Variants in SDK1 observed in about 807,000 individuals in gnomAD.
SDK1 encodes protein sidekick-1.
Under a neutral mutation model 245.5 loss-of-function variants are expected in SDK1, and 157 were observed. The ratio of observed to expected loss-of-function variants is 0.64; its 90% CI spans 0.56 to 0.73. SDK1 has a LOEUF of 0.73. Ranked by LOEUF, SDK1 falls within the 30% of genes least tolerant of loss-of-function variation. SDK1 has a pLI of 0.00. For missense variants in SDK1, 3,583 were observed against 3,002.3 expected (o/e 1.19, Z -4.52); for synonymous variants, 1,647 against 1,278.5 (o/e 1.29, Z -6.15).
At chr7:4,156,906 G>A (rs1328615035) in intron 30 of SDK1, among the ~76,000 whole-genome samples, 3 of 152,290 alleles carry the variant, frequency 2.0e-5, no homozygotes, top group South Asian at 2.1e-4. Context: ...GGTTTAGAGT[G>A]ATAGTTGAGA....
chr7:3,970,598 C>A (rs1782417846), intron 11 of SDK1, among the ~76,000 whole-genome samples: 1 of 152,198 alleles, frequency 6.6e-6, no homozygotes, highest in Admixed American at 6.5e-5. Context: ...GTATCTGAAT[C>A]TCTGTAGATC....
In SDK1 at chr7:4,076,613, A is replaced by C. The variant is rs894944867; in HGVS notation, c.3011-385A>C. Among the ~76,000 whole-genome samples, 5 of 152,222 alleles carry C rather than the reference A, an allele frequency of 3.3e-5. No individual in the cohort carries two copies. The South Asian group carries it at 1.0e-3, about 32-fold the overall frequency. On this transcript the variant is annotated intron_variant, in intron 20 of 44. Coordinates refer to ENST00000404826, the MANE Select transcript of SDK1 (RefSeq NM_152744.4). ...CATTTTTTAGTGGAATTATTGGTGA[A>C]ATGCATTCATAATTTGACAAGAGAA...
intron 1 of SDK1, among the ~76,000 whole-genome samples, chr7:3,531,329 G>A (rs552663351): frequency 6.6e-6 from 1 of 152,084 alleles, no homozygotes; most frequent in African/African-American, 2.4e-5. Context: ...AAATGTTCAC[G>A]CTTATTTCGA....
chr7:3,349,198 C>A (rs200150869), intron 1 of SDK1, among the ~76,000 whole-genome samples: 10 of 131,838 alleles, frequency 7.6e-5, no homozygotes, highest in East Asian at 2.1e-4. Context: ...TAAAAAAAAA[C>A]AACAAAAAAA....
chr7:3,444,253 T>A (rs1780280979), intron 1 of SDK1, among the ~76,000 whole-genome samples: 1 of 152,198 alleles, frequency 6.6e-6, no homozygotes, highest in Non-Finnish European at 1.5e-5. Context: ...GGTCTTACAG[T>A]ATTTATGTCT....
At chr7:4,237,186 C>T (rs1365357576) in intron 41 of SDK1, among the ~76,000 whole-genome samples, 1 of 152,124 alleles carries the variant, frequency 6.6e-6, no homozygotes, top group African/African-American at 2.4e-5. Context: ...GCCTCTGTGC[C>T]TGGCTGTTTT....
chr7:3,824,502 C>T lies in SDK1; in HGVS notation c.847+2919C>T, dbSNP rs1039017708. 8.5e-5 allele frequency among the ~76,000 whole-genome samples: 13 copies of T among 152,240 alleles called. No homozygotes were observed. The East Asian group carries it at 2.1e-3, about 25-fold the overall frequency. ...TGTAATTAGTTTAAAATCGGAGTGT[C>T]ATGCAGCCCCGCCTCTTGTTTGCTG... On this transcript the variant is annotated intron_variant, in intron 5 of 44. Coordinates refer to ENST00000404826, the MANE Select transcript of SDK1 (RefSeq NM_152744.4).
intron 38 of SDK1, among the ~76,000 whole-genome samples, chr7:4,210,833 A>C (rs1784473449): frequency 6.6e-6 from 1 of 152,218 alleles, no homozygotes; most frequent in Non-Finnish European, 1.5e-5. Flanking sequence ...TTAAATCAGC[A>C]AACAACAGCC....
intron 40 of SDK1, chr7:4,227,432 C>CT (rs753275205): frequency 4.2e-6 from 2 of 470,900 alleles, no homozygotes; most frequent in African/African-American, 2.0e-5. Flanking sequence ...AGGTAACTGT[C>CT]TTTTTTTTAA....
At chr7:3,691,839 A>G (rs1562374813) in intron 4 of SDK1, among the ~76,000 whole-genome samples, 1 of 152,168 alleles carries the variant, frequency 6.6e-6, no homozygotes, top group Non-Finnish European at 1.5e-5. Flanking sequence ...GCGTGGGTTG[A>G]AAATGTATTA....
At chr7:3,953,719 T>C (rs1409954580) in intron 7 of SDK1, among the ~76,000 whole-genome samples, 1 of 152,254 alleles carries the variant, frequency 6.6e-6, no homozygotes, top group African/African-American at 2.4e-5. Context: ...TTAAGAGCTT[T>C]AGTTTTACAT....
chr7:3,491,068 T>C (rs916107782), intron 1 of SDK1, among the ~76,000 whole-genome samples: 1 of 152,238 alleles, frequency 6.6e-6, no homozygotes, highest in African/African-American at 2.4e-5. Context: ...AGAGAGGTGT[T>C]ATCCCATTTT....
intron 5 of SDK1, among the ~76,000 whole-genome samples, chr7:3,856,164 A>G (rs547665986): frequency 2.0e-5 from 3 of 152,308 alleles, no homozygotes; most frequent in Non-Finnish European, 4.4e-5. Context: ...CAAGGGAAGG[A>G]TATGCTTATT....
chr7:3,730,503 G>A (rs1158492121), intron 4 of SDK1, among the ~76,000 whole-genome samples: 3 of 152,164 alleles, frequency 2.0e-5, no homozygotes, highest in Non-Finnish European at 4.4e-5. Context: ...AGATGTGAAT[G>A]AGAAGACTCT....
intron 4 of SDK1, among the ~76,000 whole-genome samples, chr7:3,765,974 A>G (rs1184694402): frequency 6.6e-6 from 1 of 152,192 alleles, no homozygotes; most frequent in African/African-American, 2.4e-5. Flanking sequence ...TACAGAACCT[A>G]GGAGCAATAA....
intron 34 of SDK1, 123 bp downstream of exon 34, chr7:4,175,957 C>G: frequency 1.3e-6 from 1 of 785,508 alleles, no homozygotes; most frequent in South Asian, 1.4e-5. Flanking sequence ...GGAATCGCCT[C>G]TCAAACGCTG....
chr7:3,383,950 T>C (rs1231464732), intron 1 of SDK1, among the ~76,000 whole-genome samples: 1 of 152,216 alleles, frequency 6.6e-6, no homozygotes, highest in East Asian at 1.9e-4. Context: ...TTTCAGAATA[T>C]AAGACATTAA....
chr7:4,048,194 C>G (rs1276928486), intron 17 of SDK1, among the ~76,000 whole-genome samples: 1 of 152,124 alleles, frequency 6.6e-6, no homozygotes, highest in Non-Finnish European at 1.5e-5. Context: ...GTTTTTCTTT[C>G]TCTGCGTGGA....
At position 4,245,741 on chromosome 7, in the gene SDK1, A is replaced by ACGG. The variant is rs1562476543; in HGVS notation, c.6320_6322dup (p.Gly2107dup). On this transcript the variant is annotated inframe_insertion, in exon 44 of 45. Transcript: ENST00000404826. ...GACGAGGACATCTGCAACAAGTACAACGGCGCCGTGCTGACCGAGAGCGTG... is the reference window on the plus strand; with the variant it reads ...GACGAGGACATCTGCAACAAGTACAACGGCGGCGCCGTGCTGACCGAGAGCGTG... 1 of 1,613,996 alleles carries ACGG rather than the reference A, an allele frequency of 6.2e-7. No homozygotes were observed. The highest frequency in any genetic ancestry group is 8.5e-7 in the Non-Finnish European group (1 of 1,179,962).
Sources: gnomAD v4.1 joint callset for allele counts (sites outside exome capture counted in the v4.1 genomes callset) on GRCh38, gnomAD v4.1.1 for gene constraint, MANE v1.5 for transcripts, NCBI Gene and HGNC (gene_info 2026-07-23, HGNC 2026-07-21) for gene names.